The following TNN variants were observed in gnomAD, a reference collection of about 807,000 sequenced individuals.
TNN encodes tenascin-N.
In TNN, 122 loss-of-function variants were observed where a neutral mutation model predicts 134.4. That is an observed-to-expected ratio of 0.91 (90% CI 0.78 to 1.06). The LOEUF is 1.06. Ranked by LOEUF, TNN falls within the 50% of genes least tolerant of loss-of-function variation. The pLI is 0.00. For synonymous variants in TNN, 710 were observed against 670.3 expected (o/e 1.06, Z -0.91); for missense variants, 1,739 against 1,699.4 (o/e 1.02, Z -0.41).
At chr1:175,111,474 G>A (rs1425363680) in intron 9 of TNN, among the ~76,000 whole-genome samples, 26 of 109,786 alleles carry the variant, frequency 2.4e-4, no homozygotes, top group Non-Finnish European at 4.1e-4. Flanking sequence ...GAAACAGAGC[G>A]AGACTCTGTC....
At chr1:175,095,613 G>T (rs898882743) in intron 7 of TNN, among the ~76,000 whole-genome samples, 3 of 152,144 alleles carry the variant, frequency 2.0e-5, no homozygotes, top group African/African-American at 7.2e-5. Context: ...TCGCTCTCTT[G>T]CCCAGGCTGG....
At chr1:175,089,969 C>G (rs915933655) in intron 6 of TNN, among the ~76,000 whole-genome samples, 2 of 152,206 alleles carry the variant, frequency 1.3e-5, no homozygotes, top group Non-Finnish European at 2.9e-5. Context: ...CTGTCTCATA[C>G]ACAGCCACCA....
intron 7 of TNN, 31 bp from the exon 8 acceptor site, chr1:175,097,386 G>A (rs1458047185): frequency 1.2e-6 from 2 of 1,612,884 alleles, no homozygotes; most frequent in Non-Finnish European, 1.7e-6. Flanking sequence ...GGTGGTAAAG[G>A]CTACATTCTT....
At chr1:175,119,054 C>T (rs1675272378) in intron 11 of TNN, among the ~76,000 whole-genome samples, 1 of 152,242 alleles carries the variant, frequency 6.6e-6, no homozygotes, top group South Asian at 2.1e-4. Flanking sequence ...GCGTCCCGAT[C>T]CAGACCCTTA....
Position 175,128,609 on chromosome 1 carries a change from C to T in TNN, c.3193C>T (p.Pro1065Ser). 6.2e-7 allele frequency: 1 copy of T among 1,611,078 alleles called. No individual in the cohort carries two copies. Among genetic ancestry groups the T allele is most frequent in the Non-Finnish European group, 8.5e-7 (1 of 1,178,442 alleles). The stretch of plus-strand genomic sequence containing the variant: ...TTGGCTCCCAGTTGGTGCCCGTTTC[C>T]CACACCCTTCGGACTGCAGTCAGGT... ...TTLSTVGARFPHPSDCSQVQQ... is the reference protein window; with the variant it reads ...TTLSTVGARFSHPSDCSQVQQ... The change falls in exon 15 of 19, where the codon CCA becomes TCA. Residue 1065 changes from proline to serine, a missense_variant. Transcript: ENST00000239462.
chr1:175,109,662 G>GTATA (rs752375886), intron 9 of TNN, among the ~76,000 whole-genome samples: 1 of 147,864 alleles, frequency 6.8e-6, no homozygotes, highest in Non-Finnish European at 1.5e-5. Context: ...ATGTATATGT[G>GTATA]TATATATATA....
chr1:175,079,655 C>T lies in TNN; in HGVS notation c.732C>T (p.Asp244=). ...PGDCSGHGFC[D]TGECYCEEGF... ...ACTGCAGCGGCCACGGCTTCTGTGA[C>T]ACGGGCGAGTGCTACTGCGAGGAGG... The change falls in exon 3 of 19, where the codon GAC becomes GAT. Residue 244 remains aspartate, a synonymous_variant. Coordinates refer to ENST00000239462, the MANE Select transcript of TNN (RefSeq NM_022093.2). The T allele has an allele frequency of 6.2e-7, 1 of 1,609,292 alleles. No homozygotes were observed.
At chr1:175,113,274 T>A (rs1475240650) in intron 9 of TNN, among the ~76,000 whole-genome samples, 1 of 152,240 alleles carries the variant, frequency 6.6e-6, no homozygotes, top group East Asian at 1.9e-4. Flanking sequence ...TTTCCTTTTC[T>A]GGGAAAGACT....
rs545093855 is a variant in TNN at position 175,127,202 on chromosome 1, A to G, written c.3045+117A>G. 54 of 1,247,824 alleles carry G rather than the reference A, an allele frequency of 4.3e-5. No homozygotes were observed. The South Asian group carries it at 4.3e-4, about 10-fold the overall frequency. The allele number at this position is 1,247,824 out of a possible 1,614,324, so 77.3% of individuals were successfully genotyped here. On this transcript the variant is annotated intron_variant, in intron 13 of 18. Coordinates refer to ENST00000239462, the MANE Select transcript of TNN (RefSeq NM_022093.2). ...CAACTTGCTGATCTTTACTGATCAC[A>G]TTGCTGGTTGTACATCTGCCCCGGG...
chr1:175,136,803 T>A lies in TNN; in HGVS notation c.3428-18T>A, dbSNP rs781462483. The A allele has an allele frequency of 3.7e-6, 6 of 1,611,028 alleles. No homozygotes were observed. In the Admixed American group the frequency reaches 1.0e-4, roughly 27 times the overall value. ...ACATGGGTTGATTGATTATTGGAATTCCGTTTTTTATTTTTAGGACTTGAC... is the reference window on the plus strand; with the variant it reads ...ACATGGGTTGATTGATTATTGGAATACCGTTTTTTATTTTTAGGACTTGAC... On this transcript the variant is annotated intron_variant, in intron 16 of 18. Transcript: ENST00000239462.
chr1:175,080,117 G>C (rs775149814), intron 3 of TNN, 46 bp from the exon 4 acceptor site: 2 of 1,602,232 alleles, frequency 1.2e-6, no homozygotes, highest in Non-Finnish European at 1.7e-6. Flanking sequence ...GGTCTGGATC[G>C]CCTCCCTTGC....
At chr1:175,109,429 A>G (rs1053164002) in intron 9 of TNN, among the ~76,000 whole-genome samples, 3 of 151,944 alleles carry the variant, frequency 2.0e-5, no homozygotes, top group Non-Finnish European at 4.4e-5. Context: ...ACCTGTGTTC[A>G]TTCCCCTTAC....
intron 15 of TNN, among the ~76,000 whole-genome samples, chr1:175,132,858 GC>G (rs1468287400): frequency 6.6e-6 from 1 of 152,264 alleles, no homozygotes; most frequent in Non-Finnish European, 1.5e-5. Context: ...CCCATGTGGA[GC>G]TTTCAGCATT....
At position 175,144,427 on chromosome 1, in the gene TNN, T is replaced by G. The variant is rs1264913630; in HGVS notation, c.3636T>G (p.Thr1212=). 6.2e-7 allele frequency: 1 copy of G among 1,614,058 alleles called. No individual in the cohort carries two copies. Among genetic ancestry groups the G allele is most frequent in the Admixed American group, 1.7e-5 (1 of 60,008 alleles). The part of the protein sequence containing the change: ...LTYHNGWKFT[T]FDRDNDIALS... Reference sequence around the variant, plus strand: ...ACCACAATGGATGGAAGTTTACAACTTTTGACAGAGACAATGATATCGCAC... The same window carrying G: ...ACCACAATGGATGGAAGTTTACAACGTTTGACAGAGACAATGATATCGCAC... Residue 1212 remains threonine (T), a synonymous_variant, in exon 18 of 19, where the codon ACT becomes ACG. Coordinates refer to ENST00000239462, the MANE Select transcript of TNN (RefSeq NM_022093.2).
chr1:175,087,917 G>A (rs370617142), intron 6 of TNN, among the ~76,000 whole-genome samples: 1 of 152,128 alleles, frequency 6.6e-6, no homozygotes. Context: ...CTTTACTTAC[G>A]TTTACCTATT....
At chr1:175,097,135 G>A (rs1249213186) in intron 7 of TNN, among the ~76,000 whole-genome samples, 9 of 152,186 alleles carry the variant, frequency 5.9e-5, no homozygotes, top group Non-Finnish European at 1.2e-4. Flanking sequence ...AAATTTGAAT[G>A]TGAAGACCAA....
At chr1:175,073,414 C>T (rs895560979) in intron 1 of TNN, among the ~76,000 whole-genome samples, 1 of 152,004 alleles carries the variant, frequency 6.6e-6, no homozygotes, top group Non-Finnish European at 1.5e-5. Flanking sequence ...GCTTCCCACT[C>T]CCCCCATCTT....
chr1:175,124,372 T>TAAAAC (rs759425458), intron 12 of TNN, among the ~76,000 whole-genome samples: 9 of 151,934 alleles, frequency 5.9e-5, no homozygotes, highest in East Asian at 3.9e-4. Flanking sequence ...AGAGACGTGT[T>TAAAAC]AAAACAAAAC....
At position 175,128,620 on chromosome 1, in the gene TNN, G is replaced by A. The variant is rs755524481; in HGVS notation, c.3204G>A (p.Ser1068=). 1.7e-5 allele frequency: 28 copies of A among 1,612,852 alleles called. No homozygotes were observed. The highest frequency in any genetic ancestry group is 9.4e-5 in the African/African-American group (7 of 74,792). ...TTGGTGCCCGTTTCCCACACCCTTC[G>A]GACTGCAGTCAGGTTCAGCAGAACA... ...STVGARFPHP[S]DCSQVQQNSN... The change falls in exon 15 of 19, where the codon TCG becomes TCA. Residue 1068 remains serine (S), a synonymous_variant. Transcript: ENST00000239462.
Sources: gnomAD v4.1 joint callset for allele counts (sites outside exome capture counted in the v4.1 genomes callset) on GRCh38, gnomAD v4.1.1 for gene constraint, MANE v1.5 for transcripts, NCBI Gene and HGNC (gene_info 2026-07-23, HGNC 2026-07-21) for gene names.